INPP4B: variants seen among roughly 807,000 people sequenced by gnomAD.
The protein encoded by INPP4B is inositol polyphosphate 4-phosphatase type II.
In INPP4B, 55 loss-of-function variants were observed where a neutral mutation model predicts 122.5. The ratio of observed to expected loss-of-function variants is 0.45; its 90% CI spans 0.36 to 0.56. The LOEUF (loss-of-function observed/expected upper bound fraction) is 0.56. INPP4B is among the 20% of genes least tolerant of loss of function. INPP4B has a pLI of 0.00. For synonymous variants in INPP4B, 403 were observed against 388.7 expected (o/e 1.04, Z -0.43); for missense variants, 1,000 against 1,097.7 (o/e 0.91, Z 1.26).
At chr4:142,491,132 G>GC (rs1198749833) in intron 2 of INPP4B, among the ~76,000 whole-genome samples, 1 of 151,764 alleles carries the variant, frequency 6.6e-6, no homozygotes, top group Non-Finnish European at 1.5e-5. Context: ...TTTTTTGGGG[G>GC]CCCCCACACT....
At chr4:142,634,161 AATAG>A (rs1360566105) in intron 2 of INPP4B, among the ~76,000 whole-genome samples, 2 of 152,328 alleles carry the variant, frequency 1.3e-5, no homozygotes, top group East Asian at 1.9e-4. Context: ...CATGTGAATA[AATAG>A]ATAATCTGAA....
intron 7 of INPP4B, among the ~76,000 whole-genome samples, chr4:142,329,386 A>G (rs1020585656): frequency 1.7e-5 from 2 of 114,304 alleles, no homozygotes; most frequent in African/African-American, 3.1e-5. Context: ...AAAAAAGGGG[A>G]AAGAAGTGAA....
At chr4:142,033,070 T>C (rs1741392919) in intron 25 of INPP4B, among the ~76,000 whole-genome samples, 1 of 151,928 alleles carries the variant, frequency 6.6e-6, no homozygotes, top group African/African-American at 2.4e-5. Flanking sequence ...CTTATTCCCA[T>C]GGAAAAGAAA....
At chr4:142,595,124 C>T (rs890143590) in intron 2 of INPP4B, among the ~76,000 whole-genome samples, 3 of 151,778 alleles carry the variant, frequency 2.0e-5, no homozygotes, top group East Asian at 3.9e-4. Flanking sequence ...TGCCTATTTA[C>T]GTAAGTTTTC....
At chr4:142,205,472 A>G (rs1046174762) in intron 14 of INPP4B, among the ~76,000 whole-genome samples, 3 of 152,104 alleles carry the variant, frequency 2.0e-5, no homozygotes, top group Non-Finnish European at 4.4e-5. Context: ...TTAGTTCAAG[A>G]CTTCGTTGAT....
chr4:142,758,261 A>G (rs1358556779), intron 1 of INPP4B, among the ~76,000 whole-genome samples: 18 of 152,278 alleles, frequency 1.2e-4, no homozygotes, highest in Admixed American at 7.9e-4. Flanking sequence ...TCATGAAAGA[A>G]AGTAACATAT....
rs184283567 is a variant in INPP4B, at chr4:142,562,499, C to A, written c.-190-99773G>T. On this transcript the variant is annotated intron_variant, in intron 2 of 25. Transcript: ENST00000262992. ...CACAAAGCAAATTCTAGGACTTTTT[C>A]CCCTCAATGAATACCAGGATTGGAT... Among the ~76,000 whole-genome samples the A allele has an allele frequency of 2.3e-3, 355 of 152,176 alleles. 2 individuals carry two copies. Among genetic ancestry groups the A allele is most frequent in the Admixed American group, 1.8e-3 (28 of 15,284 alleles).
At chr4:142,484,863 T>C (rs1233395808) in intron 2 of INPP4B, among the ~76,000 whole-genome samples, 3 of 152,104 alleles carry the variant, frequency 2.0e-5, no homozygotes, top group African/African-American at 4.8e-5. Context: ...AGGTCTACTT[T>C]GTTTAGATGT....
chr4:142,656,391 A>C (rs889355637), intron 2 of INPP4B, among the ~76,000 whole-genome samples: 3 of 152,236 alleles, frequency 2.0e-5, no homozygotes, highest in Non-Finnish European at 4.4e-5. Context: ...AAATGGGGAC[A>C]CAAAACCTCT....
intron 17 of INPP4B, among the ~76,000 whole-genome samples, chr4:142,148,252 T>C (rs1256254329): frequency 6.6e-6 from 1 of 152,124 alleles, no homozygotes; most frequent in African/African-American, 2.4e-5. Flanking sequence ...TGTGTGTGTG[T>C]GTGTGCACTT....
intron 25 of INPP4B, among the ~76,000 whole-genome samples, chr4:142,059,909 C>T (rs1244302468): frequency 6.6e-6 from 1 of 152,088 alleles, no homozygotes; most frequent in Non-Finnish European, 1.5e-5. Context: ...GTATTCTGTT[C>T]CCTTTGACAG....
At chr4:142,167,411 G>T (rs1019315548) in intron 16 of INPP4B, among the ~76,000 whole-genome samples, 1 of 151,776 alleles carries the variant, frequency 6.6e-6, no homozygotes, top group African/African-American at 2.4e-5. Flanking sequence ...ATGGTAGGGA[G>T]GGAGAGTATC....
At chr4:142,685,276 A>C (rs2150699209) in intron 2 of INPP4B, among the ~76,000 whole-genome samples, 1 of 151,896 alleles carries the variant, frequency 6.6e-6, no homozygotes, top group African/African-American at 2.4e-5. Flanking sequence ...ACATTTGAAT[A>C]TTTACCATTT....
chr4:142,185,836 G>A (rs1328199581), intron 15 of INPP4B, among the ~76,000 whole-genome samples: 5 of 139,788 alleles, frequency 3.6e-5, no homozygotes, highest in Admixed American at 7.7e-5. Context: ...CCGAGATTGC[G>A]CCACTGCACT....
At chr4:142,185,606 G>A (rs1252382150) in intron 15 of INPP4B, among the ~76,000 whole-genome samples, 2 of 151,886 alleles carry the variant, frequency 1.3e-5, no homozygotes, top group Non-Finnish European at 2.9e-5. Flanking sequence ...TTGGCCGGGC[G>A]CGGTGGCTCA....
At chr4:142,341,951 G>A (rs138466569) in intron 7 of INPP4B, among the ~76,000 whole-genome samples, 45 of 152,220 alleles carry the variant, frequency 3.0e-4, no homozygotes, top group South Asian at 8.3e-4. Flanking sequence ...AACATAGCCC[G>A]TTCAACACCT....
chr4:142,118,104 G>T (rs907753008), intron 21 of INPP4B, among the ~76,000 whole-genome samples: 6 of 151,924 alleles, frequency 3.9e-5, no homozygotes, highest in East Asian at 3.9e-4. Flanking sequence ...AAGGACCTCT[G>T]CAAGGAGAAC....
At position 142,775,632 on chromosome 4, in the gene INPP4B, C is replaced by T. The variant is rs796569777; in HGVS notation, c.-253-49731G>A. 3.3e-5 allele frequency among the ~76,000 whole-genome samples: 5 copies of T among 151,456 alleles called. No homozygotes were observed. In the South Asian group the frequency reaches 1.0e-3, roughly 32 times the overall value. On this transcript the variant is annotated intron_variant, in intron 1 of 25. Coordinates refer to ENST00000262992, the MANE Select transcript of INPP4B (RefSeq NM_001101669.3). ...TCAAATAATCCTCCCACCTTGGACT[C>T]TCAAACTGCTGGGATTACAGGCATG... is the stretch of plus-strand genomic sequence containing the variant.
At chr4:142,196,640 T>C (rs761217573) in intron 14 of INPP4B, among the ~76,000 whole-genome samples, 1 of 152,182 alleles carries the variant, frequency 6.6e-6, no homozygotes, top group Non-Finnish European at 1.5e-5. Flanking sequence ...TGCCTCTCAA[T>C]GTTAGCCTCT....
Sources: gnomAD v4.1 joint callset for allele counts (sites outside exome capture counted in the v4.1 genomes callset) on GRCh38, gnomAD v4.1.1 for gene constraint, MANE v1.5 for transcripts, NCBI Gene and HGNC (gene_info 2026-07-23, HGNC 2026-07-21) for gene names.